The following ARID4A variants were observed in gnomAD, a reference collection of about 807,000 sequenced individuals.
The protein encoded by ARID4A is AT-rich interaction domain 4A, also known as AT-rich interactive domain-containing protein 4A.
ARID4A carries 39 observed loss-of-function variants against 148.6 expected under a neutral mutation model. That is an observed-to-expected ratio of 0.26 (90% CI 0.20 to 0.34). The LOEUF (loss-of-function observed/expected upper bound fraction) is 0.34, where lower values mean the gene tolerates loss of function less well. Ranked by LOEUF, ARID4A falls within the 10% of genes least tolerant of loss-of-function variation. The pLI, the probability that ARID4A is intolerant of heterozygous loss-of-function variation, is 1.00. For synonymous variants in ARID4A, 475 were observed against 481.2 expected, an observed-to-expected ratio of 0.99 and a Z score of 0.17; for missense variants, 1,265 against 1,449.1, an observed-to-expected ratio of 0.87 and a Z score of 2.06.
chr14:58,323,415 T>G (rs2033023460), intron 7 of ARID4A, 70 bp from the exon 8 acceptor site: 13 of 1,532,284 alleles, frequency 8.5e-6, no homozygotes, highest in Non-Finnish European at 1.2e-5. Flanking sequence ...TTGACTATAT[T>G]AAATTCACAA....
At position 58,339,431 on chromosome 14, in the gene ARID4A, C is replaced by G. The variant is rs141088951; in HGVS notation, c.907-5264C>G. 1.5e-4 allele frequency among the ~76,000 whole-genome samples: 23 copies of G among 152,112 alleles called. No individual in the cohort carries two copies. The East Asian group carries it at 4.1e-3, about 27-fold the overall frequency. ...TTAAAAATGTCAATTTTTGTGGCTC[C>G]GATATGTTATACGCTAGGAAACTAT... On this transcript the variant is annotated intron_variant, in intron 11 of 23. Transcript: ENST00000355431.
Position 58,347,106 on chromosome 14 carries a change from TG to T in ARID4A, c.1162del (p.Ala388LeufsTer30). 6.4e-7 allele frequency: 1 copy of T among 1,557,592 alleles called. No homozygotes were observed. Among genetic ancestry groups the T allele is most frequent in the Non-Finnish European group, 8.7e-7 (1 of 1,146,922 alleles). On this transcript the variant is annotated frameshift_variant, in exon 14 of 24. Coordinates refer to ENST00000355431, the MANE Select transcript of ARID4A (RefSeq NM_002892.4). LOFTEE classifies it high-confidence loss of function. ...NSAASYNVKT[A>X]YRKYLYGFEE... ...CAGCTGCTTCCTACAATGTAAAAACTGCTTATAGAAAGTAAGTAGTATAGTT... is the reference window on the plus strand; with the variant it reads ...CAGCTGCTTCCTACAATGTAAAAACTCTTATAGAAAGTAAGTAGTATAGTT...
At chr14:58,363,424 G>T (rs1175839920) in intron 19 of ARID4A, among the ~76,000 whole-genome samples, 1 of 152,066 alleles carries the variant, frequency 6.6e-6, no homozygotes, top group Non-Finnish European at 1.5e-5. Flanking sequence ...TTCTTGCTGG[G>T]CACGGTGGCT....
chr14:58,373,309 A>G lies in ARID4A; in HGVS notation c.*1320A>G, dbSNP rs1485321045. 1 of 192,714 alleles carries G rather than the reference A, an allele frequency of 5.2e-6. No homozygotes were observed. The highest frequency in any genetic ancestry group is 1.1e-5 in the Non-Finnish European group (1 of 92,088). The allele number at this position is 192,714 out of a possible 1,614,324, so 11.9% of individuals were successfully genotyped here. A position where few individuals can be genotyped will look rare whatever the true frequency, so the allele number is the denominator to read the frequency against. On this transcript the variant is annotated 3_prime_UTR_variant, in exon 24 of 24. Coordinates refer to ENST00000355431, the MANE Select transcript of ARID4A (RefSeq NM_002892.4). The stretch of plus-strand genomic sequence containing the variant: ...AGATTTTGTAAATAATTCTTCCAAA[A>G]TCATGTATTTAAAGCAGTTTTGCAT...
chr14:58,343,125 T>C (rs1348798199), intron 11 of ARID4A, among the ~76,000 whole-genome samples: 2 of 152,210 alleles, frequency 1.3e-5, no homozygotes, highest in Non-Finnish European at 2.9e-5. Flanking sequence ...CAGTTAACTT[T>C]ATAAAAGCAA....
At chr14:58,304,353 C>A (rs1157679743) in intron 3 of ARID4A, among the ~76,000 whole-genome samples, 1 of 152,068 alleles carries the variant, frequency 6.6e-6, no homozygotes, top group African/African-American at 2.4e-5. Flanking sequence ...TTTAGGAGGT[C>A]TTACCATACA....
intron 5 of ARID4A, among the ~76,000 whole-genome samples, chr14:58,310,551 A>G (rs2031947849): frequency 6.6e-6 from 1 of 152,124 alleles, no homozygotes; most frequent in African/African-American, 2.4e-5. Context: ...TGGTGTTGGG[A>G]AAACTGGATA....
Position 58,371,892 on chromosome 14 carries a change from A to T in ARID4A, c.3677A>T (p.His1226Leu). The T allele has an allele frequency of 6.2e-7, 1 of 1,612,762 alleles. No individual in the cohort carries two copies. The highest frequency in any genetic ancestry group is 2.2e-5 in the East Asian group (1 of 44,862). Residue 1226 changes from histidine to leucine, a missense_variant, in exon 24 of 24, where the codon CAT becomes CTT. His to Leu is a moderately conservative substitution (Grantham distance 99). Coordinates refer to ENST00000355431, the MANE Select transcript of ARID4A (RefSeq NM_002892.4). ...AGTTGTTTTGATTCCACAGTGTCTC[A>T]TGCGGGAGCCTCCATGTCATCTGCT... ...RLKKKDREVS[H>L]AGASMSSASS...
In ARID4A at chr14:58,326,842, T is replaced by A. The variant is rs1189169464; in HGVS notation, c.583-1395T>A. Among the ~76,000 whole-genome samples the A allele has an allele frequency of 3.3e-5, 5 of 152,332 alleles. No individual in the cohort carries two copies. In the East Asian group the frequency reaches 9.6e-4, roughly 29 times the overall value. ...CCCAGGTTAGGTGAAATCTTCCTCC[T>A]TGATGTTTTCATACTATTATGTGCC... On this transcript the variant is annotated intron_variant, in intron 8 of 23. Transcript: ENST00000355431.
chr14:58,299,666 T>A, intron 1 of ARID4A, 132 bp from the exon 2 acceptor site: 1 of 718,048 alleles, frequency 1.4e-6, no homozygotes, highest in South Asian at 1.7e-5. Flanking sequence ...CTGGCTGCCC[T>A]CGTAAGGGGT....
At chr14:58,353,545 A>G in intron 16 of ARID4A, 113 bp from the exon 17 acceptor site, 1 of 863,526 alleles carries the variant, frequency 1.2e-6, no homozygotes, top group South Asian at 1.8e-5. Flanking sequence ...CTCCACTGAT[A>G]TGTTATTAAG....
intron 14 of ARID4A, among the ~76,000 whole-genome samples, 170 bp downstream of exon 14, chr14:58,347,287 C>T (rs1017641764): frequency 1.3e-5 from 2 of 152,148 alleles, no homozygotes; most frequent in Non-Finnish European, 2.9e-5. Flanking sequence ...CGCATCTAAT[C>T]TGCTTTACTC....
At chr14:58,366,706 C>G (rs1405482911) in intron 22 of ARID4A, among the ~76,000 whole-genome samples, 177 bp from the exon 23 acceptor site, 1 of 152,090 alleles carries the variant, frequency 6.6e-6, no homozygotes, top group African/African-American at 2.4e-5. Flanking sequence ...AAAAATAATT[C>G]TTAATCATGA....
At chr14:58,354,410 TG>T (rs1215498486) in intron 17 of ARID4A, among the ~76,000 whole-genome samples, 1 of 152,126 alleles carries the variant, frequency 6.6e-6, no homozygotes, top group Non-Finnish European at 1.5e-5. Context: ...AGGCAGGGCA[TG>T]GGGGCTCTTG....
At chr14:58,335,895 C>G (rs949970867) in intron 11 of ARID4A, among the ~76,000 whole-genome samples, 2 of 152,136 alleles carry the variant, frequency 1.3e-5, no homozygotes, top group Admixed American at 1.3e-4. Flanking sequence ...GCCAATCTTA[C>G]TCCAAGCCAC....
chr14:58,322,980 A>AAAAAAAT (rs1255021613), intron 7 of ARID4A, among the ~76,000 whole-genome samples: 2,844 of 113,690 alleles, frequency 0.025, 64 homozygotes, highest in Non-Finnish European at 0.036. Flanking sequence ...AAAAAAAAAA[A>AAAAAAAT]ATATATATAT....
At chr14:58,354,668 G>A (rs1265996618) in intron 17 of ARID4A, among the ~76,000 whole-genome samples, 1 of 149,302 alleles carries the variant, frequency 6.7e-6, no homozygotes, top group Non-Finnish European at 1.5e-5. Flanking sequence ...GGATGATAGA[G>A]CGAAACCCTG....
intron 15 of ARID4A, among the ~76,000 whole-genome samples, chr14:58,348,859 A>T (rs1182595146): frequency 6.6e-6 from 1 of 152,144 alleles, no homozygotes; most frequent in Non-Finnish European, 1.5e-5. Context: ...TGGTAAGTAC[A>T]TATAACATAA....
intron 5 of ARID4A, among the ~76,000 whole-genome samples, chr14:58,309,557 A>G (rs1435914121): frequency 1.3e-5 from 2 of 152,248 alleles, no homozygotes; most frequent in Non-Finnish European, 2.9e-5. Context: ...TAATATGTCC[A>G]GTTAAATGTT....
Sources: gnomAD v4.1 joint callset for allele counts (sites outside exome capture counted in the v4.1 genomes callset) on GRCh38, gnomAD v4.1.1 for gene constraint, MANE v1.5 for transcripts, NCBI Gene and HGNC (gene_info 2026-07-23, HGNC 2026-07-21) for gene names.